LCK: variants seen among roughly 807,000 people sequenced by gnomAD.
The protein encoded by LCK is LCK proto-oncogene, Src family tyrosine kinase.
A neutral mutation model predicts 64.6 loss-of-function variants in LCK; 14 were observed. The observed-to-expected ratio is 0.22, with a 90% CI of 0.14 to 0.34. The LOEUF (loss-of-function observed/expected upper bound fraction) is 0.34, where lower values mean the gene tolerates loss of function less well. Ranked by LOEUF, LCK falls within the 10% of genes least tolerant of loss-of-function variation. The pLI is 1.00. For synonymous variants in LCK, 277 were observed against 263.6 expected, an observed-to-expected ratio of 1.05 and a Z score of -0.49; for missense variants, 434 against 668.1, an observed-to-expected ratio of 0.65 and a Z score of 3.86.
Position 32,275,695 on chromosome 1 carries a change from C to T in LCK, c.481+23C>T. On this transcript the variant is annotated intron_variant, in intron 6 of 12. Coordinates refer to ENST00000336890, the MANE Select transcript of LCK (RefSeq NM_005356.5). The surrounding 1 kb of genome is among the most constrained non-coding windows in gnomAD (Gnocchi z 6.9). ...CGGGTGAGCGGGCGGCGGTCTCGAC[C>T]GGGCGCGGGGGTGCCCCGGGGTGTG... 1.3e-6 allele frequency: 2 copies of T among 1,544,644 alleles called. No individual in the cohort carries two copies. Among genetic ancestry groups the T allele is most frequent in the Non-Finnish European group, 8.7e-7 (1 of 1,144,984 alleles).
rs957810842 is a variant in LCK at position 32,280,361 on chromosome 1, C to T, written c.1327+151C>T. The T allele has an allele frequency of 1.5e-4, 133 of 865,368 alleles. No homozygotes were observed. In the African/African-American group the frequency reaches 2.0e-3, roughly 13 times the overall value. 53.6% of individuals were successfully genotyped at this position (865,368 alleles called of 1,614,324 possible). On this transcript the variant is annotated intron_variant, in intron 12 of 12. Coordinates refer to ENST00000336890, the MANE Select transcript of LCK (RefSeq NM_005356.5). The stretch of plus-strand genomic sequence containing the variant: ...TGAGTCCAACGTCCCCAGGCAGATG[C>T]CACATCTCCCAGGGCTGGCTTCCAT...
intron 1 of LCK, among the ~76,000 whole-genome samples, chr1:32,256,855 A>G (rs1300513223): frequency 1.3e-5 from 2 of 152,128 alleles, no homozygotes; most frequent in Admixed American, 6.6e-5. Context: ...ATGTTAATTT[A>G]TGTGTTTATT....
At chr1:32,285,415 T>G in intron 12 of LCK, 99 bp from the exon 13 acceptor site, 2 of 1,047,636 alleles carry the variant, frequency 1.9e-6, no homozygotes, top group Non-Finnish European at 3.0e-6. Flanking sequence ...TTCTTTTGGA[T>G]TGGTGCTCAC....
chr1:32,273,147 G>A (rs1254561244), intron 1 of LCK, among the ~76,000 whole-genome samples: 2 of 129,574 alleles, frequency 1.5e-5, no homozygotes, highest in Admixed American at 7.8e-5. Context: ...CCTGTGTGTG[G>A]GGGGTGAGTG....
intron 1 of LCK, among the ~76,000 whole-genome samples, chr1:32,270,094 TTCTC>T (rs1197363361): frequency 2.0e-5 from 3 of 152,042 alleles, no homozygotes; most frequent in East Asian, 1.9e-4. Context: ...CCAGCATGAA[TTCTC>T]TCTCTCTGTC....
At position 32,276,094 on chromosome 1, in the gene LCK, C is replaced by G; in HGVS notation, c.631+31C>G. 1.2e-6 allele frequency: 2 copies of G among 1,611,414 alleles called. No homozygotes were observed. The highest frequency in any genetic ancestry group is 2.2e-5 in the East Asian group (1 of 44,846). ...CCCGACGGGACCCCTCCCCCGTGCC[C>G]TATCAGCCTATCTCCCCTCAGTCCC... On this transcript the variant is annotated intron_variant, in intron 7 of 12. Transcript: ENST00000336890. The surrounding 1 kb of genome is among the most constrained non-coding windows in gnomAD (Gnocchi z 4.6).
intron 12 of LCK, 24 bp from the exon 13 acceptor site, chr1:32,285,490 G>A (rs1445688736): frequency 1.2e-6 from 2 of 1,610,708 alleles, no homozygotes; most frequent in Admixed American, 1.7e-5. Context: ...TGACCTTGAT[G>A]TCCTTTCACC....
At chr1:32,253,472 T>C (rs1165625498) in intron 1 of LCK, among the ~76,000 whole-genome samples, 1 of 152,126 alleles carries the variant, frequency 6.6e-6, no homozygotes, top group African/African-American at 2.4e-5. Context: ...TTAGTAGAGA[T>C]GGAGTTTCAC....
intron 1 of LCK, 111 bp from the exon 2 acceptor site, chr1:32,274,214 C>T: frequency 6.4e-7 from 1 of 1,566,216 alleles, no homozygotes; most frequent in Non-Finnish European, 8.6e-7. Context: ...ATCCCAGGAT[C>T]TCACAATCTC....
chr1:32,266,371 G>A lies in LCK; in HGVS notation c.-5-7954G>A, dbSNP rs186713569. 9.0e-3 allele frequency among the ~76,000 whole-genome samples: 1,352 copies of A among 150,492 alleles called. 17 individuals are homozygous for A. Among genetic ancestry groups the A allele is most frequent in the African/African-American group, 0.031 (1,269 of 41,114 alleles). On this transcript the variant is annotated intron_variant, in intron 1 of 12. Transcript: ENST00000336890. ...AAAATAGCCGGGCACAGTGGCGGGC[G>A]CCGGTAGTTCCAGCTACTCGGGAGG...
At position 32,257,215 on chromosome 1, in the gene LCK, A is replaced by G. The variant is rs535762604; in HGVS notation, c.-6+5844A>G. On this transcript the variant is annotated intron_variant, in intron 1 of 12. Coordinates refer to ENST00000336890, the MANE Select transcript of LCK (RefSeq NM_005356.5). ...CAGAGGTTTAGTAAGCTGCCCAACAACCTTCTGCCAGTAAGTCTTGTTTTT... is the reference window on the plus strand; with the variant it reads ...CAGAGGTTTAGTAAGCTGCCCAACAGCCTTCTGCCAGTAAGTCTTGTTTTT... Among the ~76,000 whole-genome samples, 3 of 149,276 alleles carry G rather than the reference A, an allele frequency of 2.0e-5. No individual in the cohort carries two copies. The East Asian group carries it at 5.9e-4, about 29-fold the overall frequency.
chr1:32,274,417 C>T lies in LCK; in HGVS notation c.88C>T (p.Leu30=), dbSNP rs1303366697. 11 of 1,612,854 alleles carry T rather than the reference C, an allele frequency of 6.8e-6. No individual in the cohort carries two copies. The East Asian group carries it at 2.5e-4, about 36-fold the overall frequency. Residue 30 remains leucine, a synonymous_variant, in exon 2 of 13, where the codon CTG becomes TTG. Transcript: ENST00000336890. ...CENCHYPIVP[L]DGKGTLLIRN... ...GAACTGCCATTATCCCATAGTCCCA[C>T]TGGATGGCAAGGGCACGGTAAGAGG...
intron 1 of LCK, among the ~76,000 whole-genome samples, chr1:32,266,582 TTTC>T (rs1426790468): frequency 7.2e-5 from 10 of 139,194 alleles, no homozygotes; most frequent in Non-Finnish European, 1.5e-4. Flanking sequence ...TACTACGCCC[TTTC>T]TTCCTCCTCC....
Position 32,276,839 on chromosome 1 carries a change from T to C in LCK, c.964+53T>C. 2 of 1,477,608 alleles carry C rather than the reference T, an allele frequency of 1.4e-6. No individual in the cohort carries two copies. The highest frequency in any genetic ancestry group is 2.6e-5 in the South Asian group (2 of 76,082). The allele number at this position is 1,477,608 out of a possible 1,614,324, so 91.5% of individuals were successfully genotyped here. ...GGGATACTGCTCTCCCTGCTGTCCC[T>C]GCCAGAGGGTGGAAATACACCTTTT... On this transcript the variant is annotated intron_variant, in intron 9 of 12. Coordinates refer to ENST00000336890, the MANE Select transcript of LCK (RefSeq NM_005356.5). This position sits in a 1 kb window ranked among gnomAD's most constrained non-coding sequence, Gnocchi z 4.6.
At chr1:32,260,276 G>C (rs1038133517) in intron 1 of LCK, among the ~76,000 whole-genome samples, 7 of 152,126 alleles carry the variant, frequency 4.6e-5, no homozygotes, top group African/African-American at 1.7e-4. Flanking sequence ...CTCCCAAAGT[G>C]TTGGGGTTAC....
intron 1 of LCK, among the ~76,000 whole-genome samples, chr1:32,259,733 C>T (rs762628850): frequency 2.0e-5 from 3 of 151,828 alleles, no homozygotes; most frequent in African/African-American, 7.3e-5. Flanking sequence ...TTGCTTGAGC[C>T]CGGGAGGTCG....
chr1:32,256,454 C>CA (rs975375785), intron 1 of LCK, among the ~76,000 whole-genome samples: 13 of 151,866 alleles, frequency 8.6e-5, no homozygotes, highest in African/African-American at 3.1e-4. Flanking sequence ...ACAAATTAGC[C>CA]AGGCGTGGTG....
chr1:32,276,088 C>T lies in LCK; in HGVS notation c.631+25C>T, dbSNP rs369325216. ...AGTGAGCCCGACGGGACCCCTCCCCCGTGCCCTATCAGCCTATCTCCCCTC... is the reference window on the plus strand; with the variant it reads ...AGTGAGCCCGACGGGACCCCTCCCCTGTGCCCTATCAGCCTATCTCCCCTC... On this transcript the variant is annotated intron_variant, in intron 7 of 12. Coordinates refer to ENST00000336890, the MANE Select transcript of LCK (RefSeq NM_005356.5). This position sits in a 1 kb window ranked among gnomAD's most constrained non-coding sequence, Gnocchi z 4.6. 1.3e-4 allele frequency: 207 copies of T among 1,612,880 alleles called. No homozygotes were observed. Among genetic ancestry groups the T allele is most frequent in the Admixed American group, 1.7e-4 (10 of 59,970 alleles).
At chr1:32,281,162 C>T (rs915198751) in intron 12 of LCK, among the ~76,000 whole-genome samples, 27 of 151,164 alleles carry the variant, frequency 1.8e-4, no homozygotes, top group Admixed American at 3.3e-4. Context: ...TCACCTGAGC[C>T]AGGGAGGCAG....
Sources: gnomAD v4.1 joint callset for allele counts (sites outside exome capture counted in the v4.1 genomes callset) on GRCh38, gnomAD v4.1.1 for gene constraint, Gnocchi (gnomAD v3.1) non-coding constraint, MANE v1.5 for transcripts, NCBI Gene and HGNC (gene_info 2026-07-23, HGNC 2026-07-21) for gene names.